Variants in PFKFB4 observed in about 807,000 individuals in gnomAD.
PFKFB4 encodes 6-phosphofructo-2-kinase/fructose-2,6-bisphosphatase 4.
PFKFB4 carries 42 observed loss-of-function variants against 62.8 expected under a neutral mutation model. The ratio of observed to expected loss-of-function variants is 0.67; its 90% confidence interval spans 0.52 to 0.86. The LOEUF (loss-of-function observed/expected upper bound fraction) is 0.86. Ranked by LOEUF, PFKFB4 falls within the 40% of genes least tolerant of loss-of-function variation. PFKFB4 has a pLI of 0.00. For synonymous variants in PFKFB4, 204 were observed against 240.7 expected (o/e 0.85, Z 1.41); for missense variants, 475 against 627.2 (o/e 0.76, Z 2.59).
chr3:48,551,215 T>G (rs1035175948), intron 1 of PFKFB4, among the ~76,000 whole-genome samples: 3 of 133,802 alleles, frequency 2.2e-5, no homozygotes, highest in Admixed American at 2.2e-4. Context: ...CTCACTTTTC[T>G]TTTTTTTTTT....
At chr3:48,562,960 C>T (rs140335326), upstream of PFKFB4, 112 of 1,605,638 alleles carry the variant, frequency 7.0e-5, no homozygotes, top group African/African-American at 1.1e-3. This position sits in a 1 kb window ranked among gnomAD's most constrained non-coding sequence, Gnocchi z 4.3. Context: ...GGGCAGCCCA[C>T]GGCCATGTGG....
intron 12 of PFKFB4, among the ~76,000 whole-genome samples, chr3:48,522,256 C>T (rs1222044148): frequency 3.9e-5 from 6 of 152,190 alleles, no homozygotes; most frequent in East Asian, 3.9e-4. Context: ...ATCTATGTGA[C>T]GGCCCAGACA....
At chr3:48,547,794 C>G (rs1330597175) in intron 3 of PFKFB4, 6 of 152,226 alleles carry the variant, frequency 3.9e-5, no homozygotes, top group African/African-American at 7.2e-5. Context: ...TTTTCTAGAT[C>G]TTCTGCTGTG....
intron 3 of PFKFB4, among the ~76,000 whole-genome samples, chr3:48,546,037 AAG>A (rs1274894154): frequency 6.6e-6 from 1 of 151,960 alleles, no homozygotes; most frequent in South Asian, 2.1e-4. Flanking sequence ...GTGTGTGTAT[AAG>A]AGAGTGCAAA....
At position 48,521,994 on chromosome 3, in the gene PFKFB4, T is replaced by C; in HGVS notation, c.1342A>G (p.Arg448Gly). The C allele has an allele frequency of 1.2e-6, 2 of 1,613,960 alleles. No homozygotes were observed. The highest frequency in any genetic ancestry group is 1.7e-5 in the Admixed American group (1 of 60,014). ...NVAAVNTHRDRPQNVDISRPP... is the reference protein window; with the variant it reads ...NVAAVNTHRDGPQNVDISRPP... ...AGTGACCCCATTGCTACCTGAGGCC[T>C]GTCCCGGTGCGTGTTCACAGCAGCC... is the stretch of plus-strand genomic sequence containing the variant. Residue 448 changes from arginine to glycine, a missense_variant, in exon 13 of 14, where the codon AGG becomes GGG. Arg to Gly is a moderately radical substitution (Grantham distance 125). Coordinates refer to ENST00000232375, the MANE Select transcript of PFKFB4 (RefSeq NM_004567.4). The surrounding 1 kb of genome is among the most constrained non-coding windows in gnomAD (Gnocchi z 5.3).
At position 48,550,105 on chromosome 3, in the gene PFKFB4, G is replaced by A. The variant is rs779636300; in HGVS notation, c.214+13C>T. ...CACAAAGCTCCCCTTAGACAGCTGG[G>A]GCCAAGCCTCACCCCGAGTGGGCAC... On this transcript the variant is annotated intron_variant, in intron 2 of 13. Transcript: ENST00000232375. 6.3e-7 allele frequency: 1 copy of A among 1,580,152 alleles called. No individual in the cohort carries two copies. Among genetic ancestry groups the A allele is most frequent in the Admixed American group, 1.7e-5 (1 of 59,976 alleles).
chr3:48,539,968 C>T (rs1312075580), intron 4 of PFKFB4, among the ~76,000 whole-genome samples, 197 bp from the exon 5 acceptor site: 1 of 152,158 alleles, frequency 6.6e-6, no homozygotes, highest in East Asian at 1.9e-4. Flanking sequence ...CCTCCCCTTC[C>T]TTGGAGAGAA....
At chr3:48,525,839 T>C (rs1445727966) in intron 9 of PFKFB4, 170 bp from the exon 10 acceptor site, 1 of 421,554 alleles carries the variant, frequency 2.4e-6, no homozygotes, top group Non-Finnish European at 4.3e-6. Context: ...ACACTGATCA[T>C]TGGTGGTTCC....
At chr3:48,551,694 G>A (rs1482951585) in intron 1 of PFKFB4, among the ~76,000 whole-genome samples, 1 of 151,638 alleles carries the variant, frequency 6.6e-6, no homozygotes, top group African/African-American at 2.4e-5. Context: ...ACAAGCACAT[G>A]CCACCACACC....
intron 10 of PFKFB4, among the ~76,000 whole-genome samples, chr3:48,525,304 G>C (rs1371014002): frequency 6.6e-6 from 1 of 152,188 alleles, no homozygotes; most frequent in African/African-American, 2.4e-5. Context: ...CAAGAATGGA[G>C]AGCAGGGAGC....
upstream of PFKFB4, among the ~76,000 whole-genome samples, chr3:48,558,783 A>G (rs2107616404): frequency 6.6e-6 from 1 of 152,306 alleles, no homozygotes; most frequent in Non-Finnish European, 1.5e-5. Flanking sequence ...AGATCTGAGC[A>G]CATCCATGGG....
upstream of PFKFB4, among the ~76,000 whole-genome samples, chr3:48,559,210 C>T (rs1398102641): frequency 1.3e-5 from 2 of 152,350 alleles, no homozygotes; most frequent in Non-Finnish European, 1.5e-5. Flanking sequence ...AAAGTCTACC[C>T]GTGGCTGACC....
rs79977086 is a variant in PFKFB4 at position 48,555,944 on chromosome 3, G to C, written c.97+737C>G. 770 of 341,314 alleles carry C rather than the reference G, an allele frequency of 2.3e-3. 6 individuals are homozygous for C. Among genetic ancestry groups the C allele is most frequent in the African/African-American group, 0.016 (737 of 46,124 alleles). 21.1% of individuals were successfully genotyped at this position (341,314 alleles called of 1,614,324 possible). A position where few individuals can be genotyped will look rare whatever the true frequency, so the allele number is the denominator to read the frequency against. ...AAAACTGCCAGCTCATTTAAGGACA[G>C]GCAGAAACTCAAGGAAGCGGTTTAA... On this transcript the variant is annotated intron_variant, in intron 1 of 13. Transcript: ENST00000232375.
intron 4 of PFKFB4, among the ~76,000 whole-genome samples, chr3:48,540,348 G>T (rs2042761379): frequency 6.6e-6 from 1 of 152,204 alleles, no homozygotes; most frequent in African/African-American, 2.4e-5. Flanking sequence ...ACCTGTGCAG[G>T]ACCAGAGCAC....
At chr3:48,558,408 A>G (rs1575409250), upstream of PFKFB4, among the ~76,000 whole-genome samples, 1 of 152,202 alleles carries the variant, frequency 6.6e-6, no homozygotes, top group South Asian at 2.1e-4. Flanking sequence ...CCCAGTGTGT[A>G]CCCAGCCAGG....
upstream of PFKFB4, among the ~76,000 whole-genome samples, chr3:48,558,744 C>T (rs1052438947): frequency 6.6e-6 from 1 of 152,230 alleles, no homozygotes; most frequent in South Asian, 2.1e-4. Flanking sequence ...GCAGTATCTA[C>T]CCGCTTATTC....
At chr3:48,534,992 A>G (rs568801651) in intron 9 of PFKFB4, among the ~76,000 whole-genome samples, 162 of 152,204 alleles carry the variant, frequency 1.1e-3, no homozygotes, top group Non-Finnish European at 2.2e-3. Context: ...TATTTTCAGT[A>G]GAGATGGGGT....
intron 12 of PFKFB4, 80 bp from the exon 13 acceptor site, chr3:48,522,130 G>C (rs2042115731): frequency 1.5e-6 from 2 of 1,309,114 alleles, no homozygotes; most frequent in Non-Finnish European, 2.2e-6. Flanking sequence ...CTCTTGGAGG[G>C]GGGTCTGGGC....
chr3:48,530,685 C>CTTTTGTTTTG (rs370144510), intron 9 of PFKFB4, among the ~76,000 whole-genome samples: 1 of 152,090 alleles, frequency 6.6e-6, no homozygotes, highest in Non-Finnish European at 1.5e-5. Context: ...CAAGTATATG[C>CTTTTGTTTTG]TTTTGTTTTG....
Sources: gnomAD v4.1 joint callset for allele counts (sites outside exome capture counted in the v4.1 genomes callset) on GRCh38, gnomAD v4.1.1 for gene constraint, Gnocchi (gnomAD v3.1) non-coding constraint, MANE v1.5 for transcripts, NCBI Gene and HGNC (gene_info 2026-07-23, HGNC 2026-07-21) for gene names.